The following NR1H3 variants were observed in gnomAD, a reference collection of about 807,000 sequenced individuals.
The protein encoded by NR1H3 is oxysterols receptor LXR-alpha.
NR1H3 carries 19 observed loss-of-function variants against 48.1 expected under a neutral mutation model. That is an observed-to-expected ratio of 0.40 (90% confidence interval 0.28 to 0.58). The LOEUF is 0.58. NR1H3 is among the 20% of genes least tolerant of loss of function. The probability of loss-of-function intolerance (pLI) is 0.50; values close to 1 mark genes in which losing one functional copy is unlikely to be tolerated. For synonymous variants in NR1H3, 232 were observed against 227.3 expected, an observed-to-expected ratio of 1.02 and a Z score of -0.19; for missense variants, 486 against 595.9, an observed-to-expected ratio of 0.82 and a Z score of 1.92.
At chr11:47,257,702 G>A (rs112982877), upstream of NR1H3, 2,381 of 985,754 alleles carry the variant, frequency 2.4e-3, 4 homozygotes, top group Non-Finnish European at 2.7e-3. Flanking sequence ...TTCCTGGGAG[G>A]CAGTCCTTTT....
At chr11:47,262,194 A>T (rs1955958405) in intron 7 of NR1H3, among the ~76,000 whole-genome samples, 176 bp downstream of exon 7, 1 of 152,080 alleles carries the variant, frequency 6.6e-6, no homozygotes, top group South Asian at 2.1e-4. Context: ...TCTGGCTAAC[A>T]CGGTGAAACC....
intron 1 of NR1H3, chr11:47,258,966 A>C: frequency 1.2e-5 from 9 of 741,054 alleles, no homozygotes; most frequent in Non-Finnish European, 1.8e-5. Flanking sequence ...ACTTGAGCCC[A>C]GGAATTCCTA....
At chr11:47,248,355 G>A, upstream of NR1H3, 1 of 1,302,832 alleles carries the variant, frequency 7.7e-7, no homozygotes, top group Non-Finnish European at 1.1e-6. Flanking sequence ...CCAAGGTACA[G>A]GTAGGAAGGG....
chr11:47,267,870 GC>G (rs772729515), intron 7 of NR1H3, 42 bp from the exon 8 acceptor site: 1 of 1,380,092 alleles, frequency 7.2e-7, no homozygotes, highest in Non-Finnish European at 1.0e-6. Flanking sequence ...GAAAGTTCCT[GC>G]TGCTCCTGCT....
chr11:47,258,500 C>T (rs1955451615), intron 1 of NR1H3: 2 of 152,254 alleles, frequency 1.3e-5, no homozygotes, highest in Admixed American at 1.3e-4. Context: ...CCCTGCTGGC[C>T]TGGAGGGGAC....
upstream of NR1H3, chr11:47,248,794 G>C (rs1189060769): frequency 1.3e-6 from 2 of 1,587,096 alleles, no homozygotes; most frequent in East Asian, 4.6e-5. Flanking sequence ...CGCCATCACC[G>C]TTGTAATCTA....
chr11:47,261,752 A>C (rs376869191), intron 6 of NR1H3, 26 bp downstream of exon 6: 59 of 1,613,878 alleles, frequency 3.7e-5, no homozygotes, highest in Non-Finnish European at 4.7e-5. Flanking sequence ...CAAGGGATGA[A>C]GGGAGAAGCA....
chr11:47,268,779 A>G lies in NR1H3; in HGVS notation c.*83A>G. ...CCTCCTAGAAGTGGAACAGACTGAG[A>G]AGGGCAAACATTCCTGGGAGCTGGG... is the stretch of plus-strand genomic sequence containing the variant. On this transcript the variant is annotated 3_prime_UTR_variant, in exon 10 of 10. Coordinates refer to ENST00000441012, the MANE Select transcript of NR1H3 (RefSeq NM_005693.4). 6.7e-7 allele frequency: 1 copy of G among 1,501,490 alleles called. No individual in the cohort carries two copies. The highest frequency in any genetic ancestry group is 1.2e-5 in the South Asian group (1 of 81,472). The allele number at this position is 1,501,490 out of a possible 1,614,324, so 93.0% of individuals were successfully genotyped here.
At chr11:47,256,288 G>A (rs1245583632), upstream of NR1H3, among the ~76,000 whole-genome samples, 3 of 152,036 alleles carry the variant, frequency 2.0e-5, no homozygotes, top group East Asian at 1.9e-4. Flanking sequence ...TGATCCACCC[G>A]CCTAGGCCTC....
intron 1 of NR1H3, chr11:47,249,142 G>T (rs1476422614): frequency 1.3e-6 from 1 of 786,296 alleles, no homozygotes; most frequent in Non-Finnish European, 1.9e-6. Flanking sequence ...GAGAACCAGC[G>T]TCCCCTCCAG....
At chr11:47,263,297 C>T (rs965030896) in intron 7 of NR1H3, among the ~76,000 whole-genome samples, 2 of 144,552 alleles carry the variant, frequency 1.4e-5, no homozygotes, top group Non-Finnish European at 3.0e-5. Context: ...TAAGTTCTTG[C>T]TCTGTCACGC....
intron 3 of NR1H3, 55 bp from the exon 4 acceptor site, chr11:47,260,354 G>T: frequency 6.4e-7 from 1 of 1,559,956 alleles, no homozygotes; most frequent in Non-Finnish European, 8.7e-7. Flanking sequence ...CTGAGTCAGG[G>T]AGAACATGAT....
At chr11:47,248,782 C>G, upstream of NR1H3, 1 of 1,593,636 alleles carries the variant, frequency 6.3e-7, no homozygotes. Context: ...GGACCGCTTG[C>G]CCGCCATCAC....
chr11:47,249,472 C>T (rs1954428618), intron 1 of NR1H3, among the ~76,000 whole-genome samples: 1 of 152,158 alleles, frequency 6.6e-6, no homozygotes, highest in Non-Finnish European at 1.5e-5. Context: ...GACGTCATGT[C>T]ATGCCTCTTC....
upstream of NR1H3, among the ~76,000 whole-genome samples, chr11:47,255,623 T>C (rs201589400): frequency 0.29 from 33,026 of 112,232 alleles, 4,840 homozygotes; most frequent in East Asian, 0.63. Flanking sequence ...CTCTCTTTCT[T>C]TCTTTCTTTC....
chr11:47,268,453 G>A, intron 9 of NR1H3, 97 bp from the exon 10 acceptor site: 1 of 1,581,864 alleles, frequency 6.3e-7, no homozygotes, highest in African/African-American at 1.3e-5. Flanking sequence ...CTGACTGCAT[G>A]CTGTGCAGAC....
upstream of NR1H3, chr11:47,248,530 G>A: frequency 6.4e-7 from 1 of 1,551,464 alleles, no homozygotes; most frequent in Non-Finnish European, 8.7e-7. Context: ...AGGGCTCCAG[G>A]TCAATCCTGA....
At chr11:47,249,936 A>AG (rs1443809606) in intron 1 of NR1H3, among the ~76,000 whole-genome samples, 85 of 132,772 alleles carry the variant, frequency 6.4e-4, no homozygotes, top group African/African-American at 2.4e-3. Flanking sequence ...TACTAAAAAT[A>AG]CAAAAAAAAA....
upstream of NR1H3, among the ~76,000 whole-genome samples, chr11:47,256,795 A>G (rs1955223789): frequency 6.7e-6 from 1 of 150,328 alleles, no homozygotes. Flanking sequence ...CAGTGGCGCA[A>G]TCTCGGCTCA....
Sources: allele counts gnomAD v4.1 joint callset (sites outside exome capture counted in the v4.1 genomes callset), GRCh38; gene constraint gnomAD v4.1.1; transcripts MANE v1.5; gene names NCBI Gene and HGNC (gene_info 2026-07-23, HGNC 2026-07-21).